The following NSD1 variants were observed in gnomAD, a reference collection of about 807,000 sequenced individuals.
NSD1 encodes the protein nuclear receptor binding SET domain protein 1.
In NSD1, 26 loss-of-function variants were observed where a neutral mutation model predicts 242.7. The observed-to-expected ratio is 0.11, with a 90% CI of 0.08 to 0.15. The LOEUF (loss-of-function observed/expected upper bound fraction) is 0.15, where lower values mean the gene tolerates loss of function less well. Ranked by LOEUF, NSD1 falls within the 10% of genes least tolerant of loss-of-function variation. NSD1 has a pLI of 1.00. For missense variants in NSD1, 2,495 were observed against 3,272.8 expected (o/e 0.76, Z 5.80); for synonymous variants, 1,106 against 1,178.1 (o/e 0.94, Z 1.25).
chr5:177,248,104 T>A (rs1581433285), intron 10 of NSD1, 77 bp from the exon 11 acceptor site: 1 of 1,588,052 alleles, frequency 6.3e-7, no homozygotes. Flanking sequence ...GCTAGACAAA[T>A]AGCAGCCCAG....
chr5:177,257,217 CTT>C, intron 13 of NSD1, 66 bp downstream of exon 13: 1 of 888,316 alleles, frequency 1.1e-6, no homozygotes, highest in Non-Finnish European at 1.7e-6. Flanking sequence ...CAGATATTTT[CTT>C]TTTTCTTTCT....
chr5:177,207,593 A>ATT (rs150492535), intron 4 of NSD1, among the ~76,000 whole-genome samples: 885 of 78,222 alleles, frequency 0.011, 68 homozygotes, highest in African/African-American at 0.028. Context: ...ATTTATTTAA[A>ATT]TTTTTTTTTT....
At chr5:177,191,789 T>A in intron 2 of NSD1, 95 bp from the exon 3 acceptor site, 1 of 1,314,192 alleles carries the variant, frequency 7.6e-7, no homozygotes, top group Non-Finnish European at 1.1e-6. Context: ...TCTCAATTTT[T>A]CATACATTGC....
chr5:177,295,292 G>A lies in NSD1; in HGVS notation c.7924G>A (p.Gly2642Arg), dbSNP rs2127284891. ...SRAGLWPIVA[G>R]QTLAQSCWSA... ...GGCAGGGCTCTGGCCCATAGTGGCT[G>A]GACAGACACTGGCACAGTCTTGCTG... The change falls in exon 23 of 23, where the codon GGA (glycine) becomes AGA (arginine). Residue 2642 changes from glycine to arginine, a missense_variant. By Grantham distance (125) the Gly-to-Arg change is moderately radical (BLOSUM62 -2). Coordinates refer to ENST00000439151, the MANE Select transcript of NSD1 (RefSeq NM_022455.5). This position sits in a 1 kb window ranked among gnomAD's most constrained non-coding sequence, Gnocchi z 4.3. 1 of 1,614,244 alleles carries A rather than the reference G, an allele frequency of 6.2e-7. No homozygotes were observed. Among genetic ancestry groups the A allele is most frequent in the East Asian group, 2.2e-5 (1 of 44,886 alleles).
chr5:177,152,315 GTGTGTGTATGTA>G (rs777511631), intron 2 of NSD1, among the ~76,000 whole-genome samples: 2,884 of 140,496 alleles, frequency 0.021, 37 homozygotes, highest in South Asian at 0.029. Context: ...CAGGTTGTGT[GTGTGTGTATGTA>G]TGTATGTATG....
At chr5:177,242,077 G>C (rs1179586603) in intron 8 of NSD1, among the ~76,000 whole-genome samples, 1 of 152,056 alleles carries the variant, frequency 6.6e-6, no homozygotes, top group Non-Finnish European at 1.5e-5. Context: ...TGATTGTTGT[G>C]TGTGTGCATG....
chr5:177,168,213 T>A (rs560136568), intron 2 of NSD1, among the ~76,000 whole-genome samples: 1 of 152,318 alleles, frequency 6.6e-6, no homozygotes, highest in East Asian at 1.9e-4. Context: ...TAGGTTAAAT[T>A]TATTCATAGG....
intron 8 of NSD1, among the ~76,000 whole-genome samples, chr5:177,242,457 G>A (rs1765948506): frequency 6.6e-6 from 1 of 151,894 alleles, no homozygotes; most frequent in Admixed American, 6.6e-5. Flanking sequence ...ATTCACAGCT[G>A]TATTTTATCT....
intron 22 of NSD1, 97 bp from the exon 23 acceptor site, chr5:177,293,735 A>C: frequency 7.6e-7 from 1 of 1,320,056 alleles, no homozygotes; most frequent in Non-Finnish European, 1.1e-6. Flanking sequence ...GTGTGAAGGA[A>C]GGTCATCATC....
intron 2 of NSD1, among the ~76,000 whole-genome samples, chr5:177,151,935 A>G (rs1175399730): frequency 6.6e-6 from 1 of 150,794 alleles, no homozygotes; most frequent in Non-Finnish European, 1.5e-5. Flanking sequence ...ATCTCGGCTC[A>G]CTGAAAGCTC....
intron 3 of NSD1, among the ~76,000 whole-genome samples, chr5:177,203,372 C>T (rs1448538664): frequency 6.6e-6 from 1 of 151,740 alleles, no homozygotes; most frequent in African/African-American, 2.4e-5. Context: ...CTTTAGATAA[C>T]CAAGAAATTA....
At chr5:177,177,708 A>G (rs1760323014) in intron 2 of NSD1, among the ~76,000 whole-genome samples, 1 of 152,044 alleles carries the variant, frequency 6.6e-6, no homozygotes, top group African/African-American at 2.4e-5. Flanking sequence ...ATGTGTGAGA[A>G]CCTATATGTA....
intron 4 of NSD1, among the ~76,000 whole-genome samples, chr5:177,208,203 G>C (rs1322050636): frequency 6.6e-6 from 1 of 152,172 alleles, no homozygotes; most frequent in East Asian, 1.9e-4. Flanking sequence ...TGAAAAATTA[G>C]CTGTATTTCA....
intron 2 of NSD1, among the ~76,000 whole-genome samples, chr5:177,168,585 C>T (rs1282736722): frequency 6.6e-6 from 1 of 151,930 alleles, no homozygotes; most frequent in Non-Finnish European, 1.5e-5. Flanking sequence ...CCCACCCTCC[C>T]AAGTAGCTGG....
chr5:177,252,796 C>CTT (rs149731842), intron 12 of NSD1, among the ~76,000 whole-genome samples: 5,165 of 132,466 alleles, frequency 0.039, 444 homozygotes, highest in African/African-American at 0.14. Context: ...TCTCTCTCTC[C>CTT]CTTTTTTTTT....
At chr5:177,265,246 T>G in intron 14 of NSD1, 2 of 744,504 alleles carry the variant, frequency 2.7e-6, no homozygotes, top group Non-Finnish European at 4.8e-6. Context: ...GCATCATAGG[T>G]GTTAAAAAAA....
chr5:177,204,422 T>G, intron 4 of NSD1, 130 bp downstream of exon 4: 1 of 813,292 alleles, frequency 1.2e-6, no homozygotes, highest in Non-Finnish European at 2.0e-6. Context: ...GGTGCAATCT[T>G]TGTTCACTGC....
intron 17 of NSD1, among the ~76,000 whole-genome samples, chr5:177,275,689 T>A (rs1284790882): frequency 6.6e-6 from 1 of 152,100 alleles, no homozygotes; most frequent in African/African-American, 2.4e-5. Flanking sequence ...TGCCTTAGCC[T>A]CCCAAAGTGC....
chr5:177,170,919 A>G (rs1425223740), intron 2 of NSD1, among the ~76,000 whole-genome samples: 4 of 151,446 alleles, frequency 2.6e-5, no homozygotes, highest in Admixed American at 6.6e-5. Flanking sequence ...TATAATATTT[A>G]TCTGTTTATA....
Sources: gnomAD v4.1 joint callset for allele counts (sites outside exome capture counted in the v4.1 genomes callset) on GRCh38, gnomAD v4.1.1 for gene constraint, Gnocchi (gnomAD v3.1) non-coding constraint, MANE v1.5 for transcripts, NCBI Gene and HGNC (gene_info 2026-07-23, HGNC 2026-07-21) for gene names.